CASZ1: variants seen among roughly 807,000 people sequenced by gnomAD.
CASZ1 encodes castor zinc finger 1.
Under a neutral mutation model 135.2 loss-of-function variants are expected in CASZ1, and 28 were observed. The ratio of observed to expected loss-of-function variants is 0.21; its 90% CI spans 0.15 to 0.28. CASZ1 has a LOEUF of 0.28. Among genes scored for constraint, CASZ1 ranks in the 10% least tolerant of loss-of-function variants. The pLI is 1.00. For synonymous variants in CASZ1, 1,068 were observed against 1,073.4 expected (o/e 0.99, Z 0.10); for missense variants, 2,161 against 2,453.3 (o/e 0.88, Z 2.52).
chr1:10,763,741 G>A (rs12067904), intron 1 of CASZ1, among the ~76,000 whole-genome samples: 1 of 152,184 alleles, frequency 6.6e-6, no homozygotes, highest in African/African-American at 2.4e-5. Context: ...TAGCACAACA[G>A]CTGGGCCACC....
chr1:10,667,874 G>A (rs1276560519), intron 4 of CASZ1, among the ~76,000 whole-genome samples: 7 of 121,938 alleles, frequency 5.7e-5, no homozygotes, highest in African/African-American at 1.3e-4. Context: ...TCCCCATCTC[G>A]GCTGTGTGCC....
chr1:10,650,979 G>T lies in CASZ1; in HGVS notation c.2778C>A (p.Ser926=). ...STGAPGPHEA[S]QDRSLDLTVK... ...CAGTCAGGTCTAGACTGCGGTCCTG[G>T]GAGGCTTCGTGGGGGCCTGGGGCGC... Residue 926 remains serine (S), a synonymous_variant, in exon 12 of 21, where the codon TCC becomes TCA. Transcript: ENST00000377022. 6.3e-7 allele frequency: 1 copy of T among 1,582,774 alleles called. No individual in the cohort carries two copies.
chr1:10,715,051 G>C (rs6660497), intron 2 of CASZ1, among the ~76,000 whole-genome samples: 6,347 of 152,278 alleles, frequency 0.042, 178 homozygotes, highest in Non-Finnish European at 0.053. Flanking sequence ...GGGAGCACAC[G>C]GGCTCCACCT....
chr1:10,703,737 C>G (rs1010951902), intron 3 of CASZ1, among the ~76,000 whole-genome samples: 1 of 152,170 alleles, frequency 6.6e-6, no homozygotes, highest in African/African-American at 2.4e-5. Context: ...AACTTTTTCC[C>G]TAAAGGGCCA....
Position 10,792,332 on chromosome 1 carries a change from CCCCCCCCCG to C in CASZ1, c.-234+4223_-234+4231del, listed in dbSNP as rs1557575240. Among the ~76,000 whole-genome samples the C allele has an allele frequency of 4.7e-5, 2 of 42,170 alleles. 1 individual carries two copies. Among genetic ancestry groups the C allele is most frequent in the East Asian group, 5.5e-3 (2 of 362 alleles). 27.7% of individuals were successfully genotyped at this position (42,170 alleles called of 152,430 possible). A position where few individuals can be genotyped will look rare whatever the true frequency, so the allele number is the denominator to read the frequency against. Reference sequence around the variant, plus strand: ...ATGGCTTACCCCTCCCCCCCGCCCCCCCCCCCCCGGCCCCGCACACAAAGTAAATGGAAA... The same window carrying C: ...ATGGCTTACCCCTCCCCCCCGCCCCCGCCCCGCACACAAAGTAAATGGAAA... On this transcript the variant is annotated intron_variant, in intron 1 of 20. Coordinates refer to ENST00000377022, the MANE Select transcript of CASZ1 (RefSeq NM_001079843.3).
chr1:10,656,257 C>T (rs1011317267), intron 8 of CASZ1, among the ~76,000 whole-genome samples: 1 of 152,264 alleles, frequency 6.6e-6, no homozygotes, highest in African/African-American at 2.4e-5. Flanking sequence ...GCCTTGGGCA[C>T]AGTGGCACTC....
intron 2 of CASZ1, among the ~76,000 whole-genome samples, chr1:10,732,694 G>C (rs933790052): frequency 2.0e-5 from 3 of 152,202 alleles, no homozygotes; most frequent in Admixed American, 2.0e-4. Flanking sequence ...AATCACCCGG[G>C]GAGGTGGCCC....
chr1:10,659,695 G>C lies in CASZ1; in HGVS notation c.1340+7C>G, dbSNP rs369998591. On this transcript the variant is annotated splice_region_variant and intron_variant, in intron 6 of 20. Transcript: ENST00000377022. ...CTCTGGGCATTGTGGGGTGGGGAGCGCCTTACTTGACAGTGGAGACGGTCC... is the reference window on the plus strand; with the variant it reads ...CTCTGGGCATTGTGGGGTGGGGAGCCCCTTACTTGACAGTGGAGACGGTCC... 5 of 1,605,942 alleles carry C rather than the reference G, an allele frequency of 3.1e-6. No individual in the cohort carries two copies. The highest frequency in any genetic ancestry group is 4.3e-6 in the Non-Finnish European group (5 of 1,172,618).
chr1:10,753,839 A>G (rs1364697663), intron 2 of CASZ1, among the ~76,000 whole-genome samples: 1 of 152,148 alleles, frequency 6.6e-6, no homozygotes, highest in Non-Finnish European at 1.5e-5. Flanking sequence ...GTTTTTTAAT[A>G]AAGAGCTTGT....
At chr1:10,663,540 G>A (rs1437029592) in intron 5 of CASZ1, among the ~76,000 whole-genome samples, 1 of 152,232 alleles carries the variant, frequency 6.6e-6, no homozygotes, top group Non-Finnish European at 1.5e-5. Flanking sequence ...ACCAGGGAAA[G>A]GGGCTAAAAA....
rs77333379 is a variant in CASZ1 at position 10,754,722 on chromosome 1, C to T, written c.-77+5979G>A. On this transcript the variant is annotated intron_variant, in intron 2 of 20. Coordinates refer to ENST00000377022, the MANE Select transcript of CASZ1 (RefSeq NM_001079843.3). The stretch of plus-strand genomic sequence containing the variant: ...TCTCTCTGCCTGGAGAGCAGCACGG[C>T]GTGGGACTCACAGCTGCTGCCCGGG... 8.6e-3 allele frequency among the ~76,000 whole-genome samples: 1,303 copies of T among 152,330 alleles called. 11 individuals are homozygous for T. Among genetic ancestry groups the T allele is most frequent in the Non-Finnish European group, 0.013 (908 of 68,028 alleles).
intron 5 of CASZ1, among the ~76,000 whole-genome samples, chr1:10,663,532 C>T (rs775844004): frequency 6.6e-6 from 1 of 152,180 alleles, no homozygotes; most frequent in Non-Finnish European, 1.5e-5. Flanking sequence ...GCTCAGGGAC[C>T]AGGGAAAGGG....
rs778493066 is a variant in CASZ1, at chr1:10,654,084, C to CCCTCGTACTTGCACT, written c.1958_1972dup (p.Glu653_Glu657dup). The stretch of plus-strand genomic sequence containing the variant: ...GTTGGTAGCCTTGCTGTACACGCAG[C>CCCTCGTACTTGCACT]CCTCGTACTTGCACTCCTCGTACTT... On this transcript the variant is annotated inframe_insertion, in exon 11 of 21. Transcript: ENST00000377022. 1.2e-6 allele frequency: 2 copies of CCCTCGTACTTGCACT among 1,614,228 alleles called. No homozygotes were observed. The highest frequency in any genetic ancestry group is 1.7e-6 in the Non-Finnish European group (2 of 1,180,038).
intron 15 of CASZ1, chr1:10,648,344 C>T: frequency 1.9e-6 from 1 of 515,790 alleles, no homozygotes; most frequent in South Asian, 3.3e-5. Context: ...ACTTGGTCTC[C>T]TGGCTTGGGC....
rs1435793890 is a variant in CASZ1 at position 10,772,938 on chromosome 1, G to A, written c.-233-12081C>T. 2.0e-5 allele frequency among the ~76,000 whole-genome samples: 3 copies of A among 152,276 alleles called. No homozygotes were observed. In the East Asian group the frequency reaches 5.8e-4, roughly 29 times the overall value. The stretch of plus-strand genomic sequence containing the variant: ...CTGCCATGACAGCAGGTGGCCCCAT[G>A]ACCACATGGTGGAGGATGGGGGCTC... On this transcript the variant is annotated intron_variant, in intron 1 of 20. Transcript: ENST00000377022.
Position 10,665,522 on chromosome 1 carries a change from C to T in CASZ1, c.66G>A (p.Ala22=), listed in dbSNP as rs754189044. 8.1e-6 allele frequency: 13 copies of T among 1,597,052 alleles called. No individual in the cohort carries two copies. The highest frequency in any genetic ancestry group is 2.2e-5 in the East Asian group (1 of 44,622). Residue 22 remains alanine, a synonymous_variant, in exon 5 of 21, where the codon GCG becomes GCA. Transcript: ENST00000377022. ...TDPPAGKPAM[A]PKRKGGLKLN... Reference sequence around the variant, plus strand: ...GCTTCAGGCCACCCTTGCGTTTGGGCGCCATGGCGGGCTTGCCTGCAGGCG... The same window carrying T: ...GCTTCAGGCCACCCTTGCGTTTGGGTGCCATGGCGGGCTTGCCTGCAGGCG...
At position 10,657,697 on chromosome 1, in the gene CASZ1, T is replaced by C. The variant is rs931134257; in HGVS notation, c.1409+811A>G. ...AGGGGATCGGAGACAGAGTGGGACGTGGAGGCGGAGAGACAGAGCGGGCGG... is the reference window on the plus strand; with the variant it reads ...AGGGGATCGGAGACAGAGTGGGACGCGGAGGCGGAGAGACAGAGCGGGCGG... On this transcript the variant is annotated intron_variant, in intron 7 of 20. Transcript: ENST00000377022. This position sits in a 1 kb window ranked among gnomAD's most constrained non-coding sequence, Gnocchi z 5.7. Among the ~76,000 whole-genome samples, 2 of 144,436 alleles carry C rather than the reference T, an allele frequency of 1.4e-5. No homozygotes were observed. The highest frequency in any genetic ancestry group is 1.4e-4 in the Admixed American group (2 of 13,868). The allele number at this position is 144,436 out of a possible 152,430, so 94.8% of individuals were successfully genotyped here.
At chr1:10,760,632 C>T (rs1640354836) in intron 2 of CASZ1, 69 bp downstream of exon 2, 1 of 152,322 alleles carries the variant, frequency 6.6e-6, no homozygotes, top group South Asian at 2.1e-4. Flanking sequence ...CGTCCGTACC[C>T]TAAAGAGCAA....
chr1:10,669,386 T>G (rs780413345), intron 4 of CASZ1, among the ~76,000 whole-genome samples: 1 of 152,216 alleles, frequency 6.6e-6, no homozygotes, highest in Non-Finnish European at 1.5e-5. Context: ...CTTAAAGTGT[T>G]AACTGCGATG....
Sources: allele counts gnomAD v4.1 joint callset (sites outside exome capture counted in the v4.1 genomes callset), GRCh38; gene constraint gnomAD v4.1.1; non-coding constraint Gnocchi (gnomAD v3.1); transcripts MANE v1.5; gene names NCBI Gene and HGNC (gene_info 2026-07-23, HGNC 2026-07-21).